Variants in MGLL observed in about 807,000 individuals in gnomAD.
MGLL encodes the protein monoglyceride lipase.
MGLL carries 7 observed loss-of-function variants against 29.1 expected under a neutral mutation model. The observed-to-expected ratio is 0.24, with a 90% CI of 0.14 to 0.45. MGLL has a LOEUF of 0.45. Ranked by LOEUF, MGLL falls within the 20% of genes least tolerant of loss-of-function variation. The pLI, the probability that MGLL is intolerant of heterozygous loss-of-function variation, is 0.99. For synonymous variants in MGLL, 148 were observed against 168.3 expected (o/e 0.88, Z 0.93); for missense variants, 356 against 413.6 (o/e 0.86, Z 1.21).
chr3:127,710,951 A>C, intron 5 of MGLL: 24 of 440,002 alleles, frequency 5.5e-5, no homozygotes, highest in East Asian at 9.4e-5. Context: ...TACCCTCCCC[A>C]TGATCGCTCA....
At chr3:127,720,141 T>C (rs1460378256) in intron 5 of MGLL, among the ~76,000 whole-genome samples, 1 of 152,194 alleles carries the variant, frequency 6.6e-6, no homozygotes, top group African/African-American at 2.4e-5. Context: ...GATCCCACAG[T>C]TCATAGGGTA....
chr3:127,766,819 C>T (rs975922305), intron 3 of MGLL, among the ~76,000 whole-genome samples: 15 of 152,072 alleles, frequency 9.9e-5, no homozygotes, highest in Non-Finnish European at 2.1e-4. Flanking sequence ...ATCTGTAATC[C>T]CAGCATTCTG....
At position 127,759,394 on chromosome 3, in the gene MGLL, C is replaced by T. The variant is rs117225861; in HGVS notation, c.262+22395G>A. 2.1e-3 allele frequency among the ~76,000 whole-genome samples: 314 copies of T among 152,316 alleles called. 11 individuals carry two copies. In the East Asian group the frequency reaches 0.055, roughly 27 times the overall value. ...ACTGTCCTTACCCCTCCCTTGGTCC[C>T]CTACCACACCTGATGTGACCAAGGC... On this transcript the variant is annotated intron_variant, in intron 3 of 7. Coordinates refer to ENST00000265052, the MANE Select transcript of MGLL (RefSeq NM_007283.7).
At position 127,752,745 on chromosome 3, in the gene MGLL, C is replaced by G. The variant is rs79282899; in HGVS notation, c.262+29044G>C. On this transcript the variant is annotated intron_variant, in intron 3 of 7. Coordinates refer to ENST00000265052, the MANE Select transcript of MGLL (RefSeq NM_007283.7). Reference sequence around the variant, plus strand: ...AAAATCCACAGACCAATAACTGACCCTTTCTGCAAAACCGGCTGAGCTTCC... The same window carrying G: ...AAAATCCACAGACCAATAACTGACCGTTTCTGCAAAACCGGCTGAGCTTCC... 2.3e-3 allele frequency among the ~76,000 whole-genome samples: 353 copies of G among 152,300 alleles called. 1 individual carries two copies. The highest frequency in any genetic ancestry group is 7.9e-3 in the African/African-American group (327 of 41,550).
In MGLL at chr3:127,722,335, G is replaced by A. The variant is rs79066642; in HGVS notation, c.399+95C>T. ...GGAGACATCATGCCAGCCAGGCAGA[G>A]AGCAGTGGGGGGCAGGAAGTCAGGG... On this transcript the variant is annotated intron_variant, in intron 4 of 7. Transcript: ENST00000265052. 5,093 of 1,529,962 alleles carry A rather than the reference G, an allele frequency of 3.3e-3. 74 individuals are homozygous for A. The African/African-American group carries it at 0.042, about 13-fold the overall frequency. 94.8% of individuals were successfully genotyped at this position (1,529,962 alleles called of 1,614,324 possible). A position where few individuals can be genotyped will look rare whatever the true frequency, so the allele number is the denominator to read the frequency against.
intron 2 of MGLL, among the ~76,000 whole-genome samples, chr3:127,816,571 A>G (rs374058041): frequency 9.2e-5 from 14 of 152,134 alleles, no homozygotes; most frequent in African/African-American, 3.4e-4. Flanking sequence ...GGAGGATATT[A>G]CGAGGACGCA....
At chr3:127,740,719 C>T (rs927418629) in intron 3 of MGLL, among the ~76,000 whole-genome samples, 7 of 152,188 alleles carry the variant, frequency 4.6e-5, no homozygotes, top group East Asian at 1.9e-4. Flanking sequence ...AATGGTGTGA[C>T]GCTGGCCTGG....
chr3:127,735,688 G>C (rs1478776037), intron 3 of MGLL: 2 of 1,589,016 alleles, frequency 1.3e-6, no homozygotes, highest in Admixed American at 3.4e-5. Flanking sequence ...GGGAATAAAT[G>C]AAACAGCTGA....
intron 2 of MGLL, among the ~76,000 whole-genome samples, chr3:127,784,582 A>G (rs1028864675): frequency 6.6e-6 from 1 of 152,074 alleles, no homozygotes; most frequent in African/African-American, 2.4e-5. Flanking sequence ...TTCTCTCTGC[A>G]CAGGAAGAGC....
At chr3:127,715,863 C>A (rs774911621) in intron 5 of MGLL, 3 of 455,122 alleles carry the variant, frequency 6.6e-6, no homozygotes, top group Non-Finnish European at 1.3e-5. Flanking sequence ...CCAAAAAGGA[C>A]GTGGAATCCA....
At chr3:127,787,013 C>T (rs949420108) in intron 2 of MGLL, among the ~76,000 whole-genome samples, 15 of 152,184 alleles carry the variant, frequency 9.9e-5, no homozygotes, top group African/African-American at 1.9e-4. Flanking sequence ...GCCTCCTCCC[C>T]GGGGTTTGGA....
chr3:127,768,950 C>T (rs940475337), intron 3 of MGLL, among the ~76,000 whole-genome samples: 1 of 152,206 alleles, frequency 6.6e-6, no homozygotes, highest in Non-Finnish European at 1.5e-5. Context: ...GCTGGTTTGA[C>T]CAGAATCACA....
In MGLL at chr3:127,821,760, G is replaced by C. The variant is rs1310518606; in HGVS notation, c.89C>G (p.Pro30Arg). 10 of 1,613,934 alleles carry C rather than the reference G, an allele frequency of 6.2e-6. No homozygotes were observed. The highest frequency in any genetic ancestry group is 8.5e-6 in the Non-Finnish European group (10 of 1,179,906). The change falls in exon 2 of 8, where the codon CCT (proline) becomes CGT (arginine). Residue 30 changes from proline (P) to arginine (R), a missense_variant. Coordinates refer to ENST00000265052, the MANE Select transcript of MGLL (RefSeq NM_007283.7). ...CTGTCCGTCTGCATTGACCAGGTGAGGGAGGTCCTGGTAGGGAATGCTCTG... is the reference window on the plus strand; with the variant it reads ...CTGTCCGTCTGCATTGACCAGGTGACGGAGGTCCTGGTAGGGAATGCTCTG... ...TPQSIPYQDL[P>R]HLVNADGQYL...
At chr3:127,749,801 G>C (rs1187730762) in intron 3 of MGLL, among the ~76,000 whole-genome samples, 30 of 152,200 alleles carry the variant, frequency 2.0e-4, no homozygotes, top group Non-Finnish European at 5.9e-5. Flanking sequence ...TGTGTTATGC[G>C]AGGGGGTTTA....
intron 3 of MGLL, among the ~76,000 whole-genome samples, chr3:127,753,140 A>G (rs2076589972): frequency 6.6e-6 from 1 of 152,236 alleles, no homozygotes; most frequent in Admixed American, 6.5e-5. Context: ...AAGCCCCAAA[A>G]GAAAACAAGA....
intron 6 of MGLL, among the ~76,000 whole-genome samples, chr3:127,709,929 C>T (rs977921191): frequency 2.6e-5 from 4 of 152,190 alleles, no homozygotes; most frequent in African/African-American, 9.7e-5. Flanking sequence ...CCTTCCTTTG[C>T]TACCACTATT....
intron 2 of MGLL, among the ~76,000 whole-genome samples, chr3:127,784,257 C>CCCCACTTTT (rs2077177006): frequency 3.3e-5 from 5 of 152,208 alleles, no homozygotes; most frequent in Admixed American, 3.3e-4. Context: ...TTCAAAAAGG[C>CCCCACTTTT]TGATGCCTGG....
intron 2 of MGLL, among the ~76,000 whole-genome samples, chr3:127,791,675 G>T (rs1036454602): frequency 5.9e-5 from 9 of 152,192 alleles, no homozygotes; most frequent in Non-Finnish European, 7.3e-5. Flanking sequence ...AAACTCTTGA[G>T]GCCCGGAGTT....
chr3:127,736,737 C>A (rs1342917910), intron 3 of MGLL, among the ~76,000 whole-genome samples: 1 of 152,188 alleles, frequency 6.6e-6, no homozygotes, highest in Non-Finnish European at 1.5e-5. Flanking sequence ...CTCTGTCACC[C>A]AGGCTGGAGT....
Sources: gnomAD v4.1 joint callset for allele counts (sites outside exome capture counted in the v4.1 genomes callset) on GRCh38, gnomAD v4.1.1 for gene constraint, MANE v1.5 for transcripts, NCBI Gene and HGNC (gene_info 2026-07-23, HGNC 2026-07-21) for gene names.